Variants in HGD observed in about 807,000 individuals in gnomAD.
The protein encoded by HGD is homogentisate oxidase.
A neutral mutation model predicts 60.8 loss-of-function variants in HGD; 61 were observed. The observed-to-expected ratio is 1.00, with a 90% confidence interval of 0.82 to 1.24. HGD has a LOEUF of 1.24. HGD is among the 50% of genes most tolerant of loss of function. The pLI is 0.00. For missense variants in HGD, 542 were observed against 547.1 expected (o/e 0.99, Z 0.09); for synonymous variants, 212 against 187.7 (o/e 1.13, Z -1.06).
rs777456746 is a variant in HGD at position 120,647,068 on chromosome 3, A to T, written c.470-16T>A. Reference sequence around the variant, plus strand: ...TTCTGCGGAACTGACAAAAAAAGACAGGGCAGTGGTGAGCAATTCTTTTGG... The same window carrying T: ...TTCTGCGGAACTGACAAAAAAAGACTGGGCAGTGGTGAGCAATTCTTTTGG... On this transcript the variant is annotated splice_polypyrimidine_tract_variant and intron_variant, in intron 7 of 13. Transcript: ENST00000283871. 14 of 1,604,038 alleles carry T rather than the reference A, an allele frequency of 8.7e-6. No individual in the cohort carries two copies. The highest frequency in any genetic ancestry group is 1.2e-5 in the Non-Finnish European group (14 of 1,170,850).
chr3:120,658,949 G>A (rs932494335), intron 4 of HGD, among the ~76,000 whole-genome samples: 1 of 152,240 alleles, frequency 6.6e-6, no homozygotes, highest in African/African-American at 2.4e-5. Context: ...TCCTGAGGCT[G>A]TGCAGGGTAG....
chr3:120,660,949 A>T lies in HGD; in HGVS notation c.283-8298T>A, dbSNP rs552589790. On this transcript the variant is annotated intron_variant, in intron 4 of 13. Coordinates refer to ENST00000283871, the MANE Select transcript of HGD (RefSeq NM_000187.4). ...TTAAATCCATTACCTAGCACCTAGC[A>T]CGAAGTATAGAACATAATAGTCACT... Among the ~76,000 whole-genome samples, 3 of 152,364 alleles carry T rather than the reference A, an allele frequency of 2.0e-5. No individual in the cohort carries two copies. The East Asian group carries it at 5.8e-4, about 29-fold the overall frequency.
chr3:120,664,443 T>TTC (rs71619788), intron 4 of HGD, among the ~76,000 whole-genome samples: 16 of 135,536 alleles, frequency 1.2e-4, no homozygotes, highest in South Asian at 2.4e-4. Context: ...TTTTTTTTTT[T>TTC]CTGAGATAGG....
At chr3:120,663,133 G>A (rs1707817775) in intron 4 of HGD, among the ~76,000 whole-genome samples, 1 of 152,062 alleles carries the variant, frequency 6.6e-6, no homozygotes, top group South Asian at 2.1e-4. Context: ...TGTTATGATA[G>A]CTCTAGCAGA....
In HGD at chr3:120,632,768, G is replaced by A. The variant is rs151257479; in HGVS notation, c.1188+379C>T. Among the ~76,000 whole-genome samples the A allele has an allele frequency of 4.0e-3, 608 of 152,308 alleles. 2 individuals are homozygous for A. The highest frequency in any genetic ancestry group is 0.014 in the African/African-American group (589 of 41,568). The stretch of plus-strand genomic sequence containing the variant: ...GTATTAATAATGTTCCCTTACATTT[G>A]AATAGTGTTGGACAGTCTGTTAGGT... On this transcript the variant is annotated intron_variant, in intron 13 of 13. Coordinates refer to ENST00000283871, the MANE Select transcript of HGD (RefSeq NM_000187.4).
In HGD at chr3:120,644,411, A is replaced by G. The variant is rs1282585373; in HGVS notation, c.682T>C (p.Leu228=). The G allele has an allele frequency of 8.7e-6, 14 of 1,614,174 alleles. No individual in the cohort carries two copies. Among genetic ancestry groups the G allele is most frequent in the Non-Finnish European group, 1.2e-5 (14 of 1,180,002 alleles). ...TCCTCATACCAGGCAATGGGTATCA[A>G]GAAATCACGAGGATTGGCCAAGCCA... ...ANGLANPRDF[L]IPIAWYEDRQ... is the part of the protein sequence containing the mutation. Residue 228 remains leucine, a synonymous_variant, in exon 10 of 14, where the codon TTG becomes CTG. Transcript: ENST00000283871.
chr3:120,642,590 T>C (rs961216890), intron 10 of HGD, among the ~76,000 whole-genome samples: 1 of 152,220 alleles, frequency 6.6e-6, no homozygotes, highest in Non-Finnish European at 1.5e-5. Context: ...AGTCTCACCA[T>C]GATGATTTTC....
At chr3:120,667,815 T>C (rs1421953773) in intron 4 of HGD, among the ~76,000 whole-genome samples, 9 of 152,194 alleles carry the variant, frequency 5.9e-5, no homozygotes, top group Non-Finnish European at 1.0e-4. Flanking sequence ...AAATAAACAA[T>C]AATTTAAATT....
chr3:120,641,393 G>A (rs1365735683), intron 11 of HGD, among the ~76,000 whole-genome samples, 196 bp downstream of exon 11: 1 of 152,212 alleles, frequency 6.6e-6, no homozygotes, highest in African/African-American at 2.4e-5. Context: ...TATGTTCACA[G>A]GGGAATGTTG....
chr3:120,656,554 TC>T (rs1449977312), intron 4 of HGD, among the ~76,000 whole-genome samples: 2 of 115,914 alleles, frequency 1.7e-5, no homozygotes, highest in Non-Finnish European at 4.1e-5. Flanking sequence ...ATTTTTGAGA[TC>T]TTTTTTTTGG....
At chr3:120,676,036 T>G (rs1031244220) in intron 1 of HGD, among the ~76,000 whole-genome samples, 173 bp from the exon 2 acceptor site, 1 of 152,214 alleles carries the variant, frequency 6.6e-6, no homozygotes, top group Non-Finnish European at 1.5e-5. Context: ...GAAGACAATA[T>G]GGTTTCTGTG....
At chr3:120,669,287 T>C (rs1707972073) in intron 4 of HGD, among the ~76,000 whole-genome samples, 2 of 151,796 alleles carry the variant, frequency 1.3e-5, no homozygotes, top group Admixed American at 1.3e-4. Flanking sequence ...ACCATGAGCA[T>C]GTAGATATTT....
chr3:120,649,813 C>T (rs576229747), intron 6 of HGD, among the ~76,000 whole-genome samples: 2 of 152,276 alleles, frequency 1.3e-5, no homozygotes, highest in Non-Finnish European at 2.9e-5. Context: ...ATTTTGAGGC[C>T]TCTCAGAGGT....
At chr3:120,654,061 C>T (rs1263767352) in intron 4 of HGD, among the ~76,000 whole-genome samples, 1 of 152,190 alleles carries the variant, frequency 6.6e-6, no homozygotes, top group Non-Finnish European at 1.5e-5. Flanking sequence ...CTAAGCACTG[C>T]TGGATTTTTT....
intron 13 of HGD, among the ~76,000 whole-genome samples, chr3:120,630,320 T>G (rs1282680948): frequency 1.3e-5 from 2 of 151,976 alleles, no homozygotes; most frequent in Non-Finnish European, 2.9e-5. Flanking sequence ...TACCCAAGGC[T>G]ATCCTAAGCA....
intron 4 of HGD, among the ~76,000 whole-genome samples, chr3:120,666,180 C>A (rs932673979): frequency 1.3e-5 from 2 of 152,052 alleles, no homozygotes; most frequent in Admixed American, 6.5e-5. Context: ...TGGTTGGAGC[C>A]GGTGTTCACA....
At chr3:120,631,882 A>C (rs1940602641) in intron 13 of HGD, among the ~76,000 whole-genome samples, 1 of 152,194 alleles carries the variant, frequency 6.6e-6, no homozygotes, top group African/African-American at 2.4e-5. Flanking sequence ...TCCTCATAGA[A>C]ACAGCCCTGT....
chr3:120,682,057 G>A (rs367594805), intron 1 of HGD, 40 bp downstream of exon 1: 2 of 1,604,030 alleles, frequency 1.2e-6, no homozygotes, highest in African/African-American at 2.7e-5. Context: ...ATAAATTTTG[G>A]CTGAAGAAGC....
chr3:120,680,218 T>C (rs1459973048), intron 1 of HGD, among the ~76,000 whole-genome samples: 2 of 152,252 alleles, frequency 1.3e-5, no homozygotes, highest in Non-Finnish European at 2.9e-5. Context: ...GTTGTACTTT[T>C]GTGTAAATGT....
Sources: gnomAD v4.1 joint callset for allele counts (sites outside exome capture counted in the v4.1 genomes callset) on GRCh38, gnomAD v4.1.1 for gene constraint, MANE v1.5 for transcripts, NCBI Gene and HGNC (gene_info 2026-07-23, HGNC 2026-07-21) for gene names.